The following RBM27 variants were observed in gnomAD, a reference collection of about 807,000 sequenced individuals.
The protein encoded by RBM27 is RNA-binding protein 27.
Under a neutral mutation model 135.3 loss-of-function variants are expected in RBM27, and 22 were observed. The observed-to-expected ratio is 0.16, with a 90% confidence interval of 0.12 to 0.23. RBM27 has a LOEUF of 0.23. RBM27 is among the 10% of genes least tolerant of loss of function. The pLI, the probability that RBM27 is intolerant of heterozygous loss-of-function variation, is 1.00. For synonymous variants in RBM27, 481 were observed against 442.4 expected (o/e 1.09, Z -1.10); for missense variants, 1,009 against 1,281.0 (o/e 0.79, Z 3.24).
At chr5:146,204,495 G>A (rs1209911368) in intron 1 of RBM27, among the ~76,000 whole-genome samples, 1 of 151,400 alleles carries the variant, frequency 6.6e-6, no homozygotes, top group Non-Finnish European at 1.5e-5. Flanking sequence ...ATTATTGAGG[G>A]CTTGATAGTG....
intron 8 of RBM27, among the ~76,000 whole-genome samples, chr5:146,246,532 CTGGGCGTG>C (rs1259170392): frequency 6.6e-6 from 1 of 152,062 alleles, no homozygotes; most frequent in African/African-American, 2.4e-5. Flanking sequence ...TTTAATGTAG[CTGGGCGTG>C]TGGGCATGTG....
chr5:146,205,778 T>A (rs375923882), intron 1 of RBM27, among the ~76,000 whole-genome samples: 2 of 152,150 alleles, frequency 1.3e-5, no homozygotes, highest in African/African-American at 4.8e-5. Flanking sequence ...CCCGACACTT[T>A]GGGGGGCCTA....
Position 146,257,382 on chromosome 5 carries a change from T to G in RBM27, c.1595-1067T>G, listed in dbSNP as rs1325150002. Among the ~76,000 whole-genome samples the G allele has an allele frequency of 3.3e-5, 5 of 152,352 alleles. No individual in the cohort carries two copies. The East Asian group carries it at 9.6e-4, about 29-fold the overall frequency. On this transcript the variant is annotated intron_variant, in intron 10 of 20. Transcript: ENST00000265271. ...TTCTTAGAGTATTTCTGCCAATTTA[T>G]AGTATTGGCTTTGGATTTTCTTCCC...
intron 8 of RBM27, among the ~76,000 whole-genome samples, chr5:146,250,431 CAAAAAAAAA>C (rs775574346): frequency 1.1e-5 from 1 of 91,960 alleles, no homozygotes; most frequent in Non-Finnish European, 2.2e-5. Context: ...GACTCCGTCT[CAAAAAAAAA>C]AAAAAAAAAT....
chr5:146,279,460 C>CAA lies in RBM27; in HGVS notation c.2989-5153_2989-5152dup, dbSNP rs151135547. The stretch of plus-strand genomic sequence containing the variant: ...AGACTCTGTCTAAAAAACAAAAAAA[C>CAA]AAAAAAAAAACAAAACTTTTAAAAA... On this transcript the variant is annotated intron_variant, in intron 19 of 20. Transcript: ENST00000265271. 1.7e-3 allele frequency among the ~76,000 whole-genome samples: 222 copies of CAA among 131,704 alleles called. 3 individuals are homozygous for CAA. The highest frequency in any genetic ancestry group is 6.0e-3 in the African/African-American group (218 of 36,310). The allele number at this position is 131,704 out of a possible 152,430, so 86.4% of individuals were successfully genotyped here. A position where few individuals can be genotyped will look rare whatever the true frequency, so the allele number is the denominator to read the frequency against.
At position 146,284,701 on chromosome 5, in the gene RBM27, C is replaced by T; in HGVS notation, c.3068C>T (p.Thr1023Ile). The change falls in exon 20 of 21, where the codon ACT becomes ATT. Residue 1023 changes from threonine (T) to isoleucine (I), a missense_variant. By Grantham distance (89) the Thr-to-Ile change is moderately conservative (BLOSUM62 -1). Transcript: ENST00000265271. ...AAGCCCAAGGTACCATCTATATCCA[C>T]TGAGACTGAAGAAGAAGAAGTCAAG... ...WHKPKVPSIS[T>I]ETEEEEVKEE... 1 of 1,611,774 alleles carries T rather than the reference C, an allele frequency of 6.2e-7. No homozygotes were observed. The highest frequency in any genetic ancestry group is 8.5e-7 in the Non-Finnish European group (1 of 1,178,692).
intron 8 of RBM27, among the ~76,000 whole-genome samples, chr5:146,237,895 C>T (rs528425804): frequency 6.6e-6 from 1 of 152,022 alleles, no homozygotes; most frequent in Non-Finnish European, 1.5e-5. Flanking sequence ...ACCATGTTGG[C>T]CAGGCTGGTC....
At chr5:146,228,720 C>T (rs1756793116) in intron 3 of RBM27, among the ~76,000 whole-genome samples, 1 of 152,038 alleles carries the variant, frequency 6.6e-6, no homozygotes, top group Admixed American at 6.6e-5. Context: ...CCCATATTGG[C>T]CTCCTGAGTA....
Position 146,223,389 on chromosome 5 carries a change from T to C in RBM27, c.179-14T>C, listed in dbSNP as rs778933237. Reference sequence around the variant, plus strand: ...TTGTTTGCGCAATATGTAAATGTTATTTCTTCTCCTTAGAAACTTCAGGTT... The same window carrying C: ...TTGTTTGCGCAATATGTAAATGTTACTTCTTCTCCTTAGAAACTTCAGGTT... On this transcript the variant is annotated splice_polypyrimidine_tract_variant and intron_variant, in intron 2 of 20. Coordinates refer to ENST00000265271, the MANE Select transcript of RBM27 (RefSeq NM_018989.2). 10 of 1,572,342 alleles carry C rather than the reference T, an allele frequency of 6.4e-6. No individual in the cohort carries two copies. Among genetic ancestry groups the C allele is most frequent in the African/African-American group, 1.4e-5 (1 of 71,854 alleles).
intron 3 of RBM27, among the ~76,000 whole-genome samples, chr5:146,225,679 C>T (rs1276938457): frequency 6.6e-6 from 1 of 151,844 alleles, no homozygotes; most frequent in African/African-American, 2.4e-5. Flanking sequence ...GATTCTCCTG[C>T]CTCAGCTTCC....
chr5:146,282,213 A>G (rs1257864687), intron 19 of RBM27, among the ~76,000 whole-genome samples: 1 of 151,940 alleles, frequency 6.6e-6, no homozygotes, highest in African/African-American at 2.4e-5. Flanking sequence ...TCCATGTTGG[A>G]CAGGCTGGTC....
chr5:146,267,412 G>C (rs1197690402), intron 14 of RBM27, among the ~76,000 whole-genome samples: 1 of 152,120 alleles, frequency 6.6e-6, no homozygotes, highest in Non-Finnish European at 1.5e-5. Context: ...ACCTTTGTCT[G>C]ATGTTGGTGT....
At chr5:146,220,335 C>T (rs977164885) in intron 2 of RBM27, among the ~76,000 whole-genome samples, 2 of 151,802 alleles carry the variant, frequency 1.3e-5, no homozygotes, top group African/African-American at 4.8e-5. Context: ...ATTAGCTGGG[C>T]GTGGTGGCGT....
At chr5:146,221,757 T>A (rs2126718605) in intron 2 of RBM27, among the ~76,000 whole-genome samples, 1 of 152,314 alleles carries the variant, frequency 6.6e-6, no homozygotes, top group South Asian at 2.1e-4. Context: ...AATTTAATTT[T>A]AATTAATTTA....
intron 1 of RBM27, among the ~76,000 whole-genome samples, chr5:146,206,040 AGT>A (rs1755630855): frequency 6.6e-6 from 1 of 152,190 alleles, no homozygotes; most frequent in Admixed American, 6.5e-5. Flanking sequence ...AAATAAAAAA[AGT>A]GTTATTCATG....
chr5:146,256,461 C>T (rs1375819461), intron 10 of RBM27, among the ~76,000 whole-genome samples: 1 of 151,218 alleles, frequency 6.6e-6, no homozygotes, highest in Non-Finnish European at 1.5e-5. Context: ...GCGATTCTCC[C>T]ACCTCAGCCT....
chr5:146,274,818 A>G (rs1238452368), intron 19 of RBM27, among the ~76,000 whole-genome samples: 1 of 151,956 alleles, frequency 6.6e-6, no homozygotes, highest in Non-Finnish European at 1.5e-5. Context: ...TAATATATAA[A>G]TATATTAATA....
chr5:146,235,266 C>T (rs982597029), intron 7 of RBM27, among the ~76,000 whole-genome samples: 5 of 151,982 alleles, frequency 3.3e-5, no homozygotes, highest in African/African-American at 1.2e-4. Flanking sequence ...GTAGAATATA[C>T]ATTTCATGGC....
At position 146,288,147 on chromosome 5, in the gene RBM27, G is replaced by A. The variant is rs1411829220; in HGVS notation, c.*2117G>A. The A allele has an allele frequency of 1.3e-5, 2 of 151,764 alleles. No homozygotes were observed. The highest frequency in any genetic ancestry group is 1.3e-4 in the Admixed American group (2 of 15,216). The allele number at this position is 151,764 out of a possible 1,614,324, so 9.4% of individuals were successfully genotyped here. ...TTGTATTTGGAAACTGAAAATTACAGTAAATAAATGGAACTCTAAGAAAAA... is the reference window on the plus strand; with the variant it reads ...TTGTATTTGGAAACTGAAAATTACAATAAATAAATGGAACTCTAAGAAAAA... On this transcript the variant is annotated 3_prime_UTR_variant, in exon 21 of 21. Transcript: ENST00000265271.
Sources: allele counts gnomAD v4.1 joint callset (sites outside exome capture counted in the v4.1 genomes callset), GRCh38; gene constraint gnomAD v4.1.1; transcripts MANE v1.5; gene names NCBI Gene and HGNC (gene_info 2026-07-23, HGNC 2026-07-21).